The following BBX variants were observed in gnomAD, a reference collection of about 807,000 sequenced individuals.
BBX encodes the protein BBX high mobility group box domain containing.
In BBX, 30 loss-of-function variants were observed where a neutral mutation model predicts 100.2. The observed-to-expected ratio is 0.30, with a 90% CI of 0.22 to 0.41. The LOEUF (loss-of-function observed/expected upper bound fraction) is 0.41. Ranked by LOEUF, BBX falls within the 10% of genes least tolerant of loss-of-function variation. The pLI is 1.00. For missense variants in BBX, 1,023 were observed against 1,129.8 expected, an observed-to-expected ratio of 0.91 and a Z score of 1.35; for synonymous variants, 376 against 388.1, an observed-to-expected ratio of 0.97 and a Z score of 0.37.
Position 107,778,422 on chromosome 3 carries a change from A to G in BBX, c.2106A>G (p.Gln702=). The G allele has an allele frequency of 1.9e-6, 3 of 1,613,450 alleles. No individual in the cohort carries two copies. The highest frequency in any genetic ancestry group is 2.5e-6 in the Non-Finnish European group (3 of 1,179,540). The part of the protein sequence containing the change: ...EFEKKFNSLP[Q]YSPVTFDRKC... ...AAAAAAAATTCAACAGCCTCCCTCA[A>G]TATAGTCCTGTTACATTTGACCGGA... The change falls in exon 13 of 18, where the codon CAA becomes CAG. Residue 702 remains glutamine, a synonymous_variant. Coordinates refer to ENST00000325805, the MANE Select transcript of BBX (RefSeq NM_001142568.3).
At chr3:107,634,407 A>G (rs1267883298) in intron 2 of BBX, among the ~76,000 whole-genome samples, 3 of 152,222 alleles carry the variant, frequency 2.0e-5, no homozygotes, top group Non-Finnish European at 4.4e-5. Context: ...GTATATTAAA[A>G]TAGCTTTGGA....
chr3:107,638,746 C>G (rs1391448222), intron 2 of BBX, among the ~76,000 whole-genome samples: 3 of 128,338 alleles, frequency 2.3e-5, no homozygotes, highest in African/African-American at 3.0e-5. Context: ...CGTGGAGAAA[C>G]CACTCCTCTA....
chr3:107,704,407 G>C (rs1211526422), intron 3 of BBX, among the ~76,000 whole-genome samples: 1 of 152,190 alleles, frequency 6.6e-6, no homozygotes, highest in Non-Finnish European at 1.5e-5. Flanking sequence ...ACAACCTTTT[G>C]TGGACGTGGA....
At chr3:107,801,025 G>C (rs1165671714) in intron 16 of BBX, 70 bp from the exon 17 acceptor site, 19 of 1,446,294 alleles carry the variant, frequency 1.3e-5, no homozygotes, top group Non-Finnish European at 1.4e-5. Context: ...GACTGGCACA[G>C]CGTTTTCTAT....
intron 7 of BBX, among the ~76,000 whole-genome samples, chr3:107,737,624 G>GT (rs2063724818): frequency 6.6e-6 from 1 of 152,078 alleles, no homozygotes; most frequent in African/African-American, 2.4e-5. Context: ...TGAATGCCTT[G>GT]TATGTGTAAG....
chr3:107,645,354 C>T (rs1428949327), intron 2 of BBX, among the ~76,000 whole-genome samples: 10 of 151,972 alleles, frequency 6.6e-5, no homozygotes, highest in South Asian at 6.2e-4. Flanking sequence ...CTTGTTTGTT[C>T]GTTTTTACTA....
rs563550914 is a variant in BBX, at chr3:107,747,864, A to T, written c.751-101A>T. 3.3e-6 allele frequency: 3 copies of T among 920,166 alleles called. No homozygotes were observed. In the African/African-American group the frequency reaches 5.1e-5, roughly 15 times the overall value. 57.0% of individuals were successfully genotyped at this position (920,166 alleles called of 1,614,324 possible). A position where few individuals can be genotyped will look rare whatever the true frequency, so the allele number is the denominator to read the frequency against. On this transcript the variant is annotated intron_variant, in intron 8 of 17. Coordinates refer to ENST00000325805, the MANE Select transcript of BBX (RefSeq NM_001142568.3). ...GGATTGAGGGTAATGACTCATTTTT[A>T]AATCTTTATCAGTGTCTACAGTTGA...
chr3:107,601,937 A>G (rs2054095770), intron 2 of BBX, among the ~76,000 whole-genome samples: 1 of 152,240 alleles, frequency 6.6e-6, no homozygotes, highest in Non-Finnish European at 1.5e-5. Context: ...GTGCTAATGC[A>G]GCTGGTGATT....
chr3:107,667,589 C>T (rs1178510918), intron 3 of BBX, among the ~76,000 whole-genome samples: 2 of 151,628 alleles, frequency 1.3e-5, no homozygotes, highest in Non-Finnish European at 2.9e-5. Flanking sequence ...CTAGGAAATG[C>T]ATTTATGATA....
At chr3:107,780,406 A>C (rs1437595241) in intron 13 of BBX, among the ~76,000 whole-genome samples, 3 of 152,202 alleles carry the variant, frequency 2.0e-5, no homozygotes, top group East Asian at 3.9e-4. Context: ...ATCTATTTTC[A>C]TGAGACCTTC....
At chr3:107,726,653 C>G (rs922969640) in intron 5 of BBX, among the ~76,000 whole-genome samples, 2 of 151,994 alleles carry the variant, frequency 1.3e-5, no homozygotes, top group African/African-American at 4.8e-5. Context: ...GTAGTTAGCC[C>G]TTTTGCAGAT....
rs2067062511 is a variant in BBX, at chr3:107,773,381, G to A, written c.1660G>A (p.Asp554Asn). The change falls in exon 11 of 18, where the codon GAT becomes AAT. Residue 554 changes from aspartate (D) to asparagine (N), a missense_variant. Physicochemically the swap from Asp to Asn is conservative, Grantham distance 23 (BLOSUM62 1). This residue lies in a region of BBX where 348 missense variants were observed against 353.2 expected (regional missense o/e 0.99). Transcript: ENST00000325805. The surrounding 1 kb of genome is among the most constrained non-coding windows in gnomAD (Gnocchi z 4.1). ...SDTTKESRPPDFISISASKNI... is the reference protein window; with the variant it reads ...SDTTKESRPPNFISISASKNI... Reference sequence around the variant, plus strand: ...CACCACCAAAGAGTCAAGACCTCCAGATTTCATTAGTATTTCTGCTAGCAA... The same window carrying A: ...CACCACCAAAGAGTCAAGACCTCCAAATTTCATTAGTATTTCTGCTAGCAA... 8.7e-6 allele frequency: 14 copies of A among 1,614,006 alleles called. No individual in the cohort carries two copies. The highest frequency in any genetic ancestry group is 1.3e-5 in the African/African-American group (1 of 74,920).
At chr3:107,753,139 G>A (rs1393320383) in intron 9 of BBX, among the ~76,000 whole-genome samples, 1 of 152,146 alleles carries the variant, frequency 6.6e-6, no homozygotes, top group Non-Finnish European at 1.5e-5. Flanking sequence ...TAGGAGGAAA[G>A]CAAGGACCCT....
Position 107,740,367 on chromosome 3 carries a change from CTCAGCTCTGACATCTTTCCA to C in BBX, c.670-4262_670-4243del, listed in dbSNP as rs558860206. On this transcript the variant is annotated intron_variant, in intron 7 of 17. Coordinates refer to ENST00000325805, the MANE Select transcript of BBX (RefSeq NM_001142568.3). ...GGCATTGTGTTTCTGACCCCTTTCC[CTCAGCTCTGACATCTTTCCA>C]GACAATTACTGAAGCCTGGCAGTTA... Among the ~76,000 whole-genome samples, 259 of 152,162 alleles carry C rather than the reference CTCAGCTCTGACATCTTTCCA, an allele frequency of 1.7e-3. 1 individual carries two copies. The highest frequency in any genetic ancestry group is 3.4e-3 in the Middle Eastern group (1 of 294).
At position 107,768,648 on chromosome 3, in the gene BBX, T is replaced by C. The variant is rs1233048507; in HGVS notation, c.907-3980T>C. Among the ~76,000 whole-genome samples the C allele has an allele frequency of 2.5e-4, 38 of 151,904 alleles. 1 individual carries two copies. Among genetic ancestry groups the C allele is most frequent in the Admixed American group, 2.5e-3 (38 of 15,250 alleles). On this transcript the variant is annotated intron_variant, in intron 10 of 17. Transcript: ENST00000325805. ...AAGTGCAAAACATAAATTATAAAAATACAGAATAGAAGAGATCAAGTTTAC... is the reference window on the plus strand; with the variant it reads ...AAGTGCAAAACATAAATTATAAAAACACAGAATAGAAGAGATCAAGTTTAC...
intron 3 of BBX, among the ~76,000 whole-genome samples, chr3:107,704,061 A>C: frequency 6.6e-6 from 1 of 152,126 alleles, no homozygotes; most frequent in South Asian, 2.1e-4. Flanking sequence ...TCCTGGGTCC[A>C]GTTCTGGTTC....
rs1212485541 is a variant in BBX, at chr3:107,537,773, TTGAC to T, written c.-84+11378_-84+11381del. ...ACTCAGTTTTATTTGTGGCCCTTAT[TTGAC>T]TGGTCACTTCTGGACATCAGCCCAG... is the stretch of plus-strand genomic sequence containing the variant. On this transcript the variant is annotated intron_variant, in intron 2 of 17. Transcript: ENST00000325805. 7.9e-5 allele frequency among the ~76,000 whole-genome samples: 12 copies of T among 152,376 alleles called. No homozygotes were observed. The South Asian group carries it at 2.5e-3, about 32-fold the overall frequency.
chr3:107,673,574 T>C (rs1392053599), intron 3 of BBX, among the ~76,000 whole-genome samples: 2 of 152,110 alleles, frequency 1.3e-5, no homozygotes, highest in East Asian at 3.9e-4. Context: ...AGGTAAACAT[T>C]CTAAGACTCT....
intron 1 of BBX, 131 bp downstream of exon 1, chr3:107,523,238 C>A: frequency 4.5e-6 from 1 of 224,632 alleles, no homozygotes. Flanking sequence ...GCGGCGGCGG[C>A]GGCGGCGGCA....
Sources: allele counts gnomAD v4.1 joint callset (sites outside exome capture counted in the v4.1 genomes callset), GRCh38; gene constraint gnomAD v4.1.1; regional missense constraint gnomAD v4.1.1; non-coding constraint Gnocchi (gnomAD v3.1); transcripts MANE v1.5; gene names NCBI Gene and HGNC (gene_info 2026-07-23, HGNC 2026-07-21).